The following CDC42BPA variants were observed in gnomAD, a reference collection of about 807,000 sequenced individuals.
CDC42BPA encodes CDC42 binding protein kinase alpha, also known as serine/threonine-protein kinase MRCK alpha.
In CDC42BPA, 80 loss-of-function variants were observed where a neutral mutation model predicts 223.5. The observed-to-expected ratio is 0.36, with a 90% CI of 0.30 to 0.43. The LOEUF (loss-of-function observed/expected upper bound fraction) is 0.43. CDC42BPA is among the 20% of genes least tolerant of loss of function. CDC42BPA has a pLI of 1.00. For synonymous variants in CDC42BPA, 694 were observed against 718.6 expected (o/e 0.97, Z 0.55); for missense variants, 1,743 against 2,099.9 (o/e 0.83, Z 3.32).
At chr1:227,091,022 G>A (rs1397161046) in intron 16 of CDC42BPA, among the ~76,000 whole-genome samples, 3 of 152,104 alleles carry the variant, frequency 2.0e-5, no homozygotes, top group African/African-American at 4.8e-5. Flanking sequence ...ATCAGGCTGA[G>A]ATGGTTTCTT....
intron 21 of CDC42BPA, among the ~76,000 whole-genome samples, chr1:227,065,071 T>C (rs1378397614): frequency 6.7e-6 from 1 of 149,654 alleles, no homozygotes; most frequent in Non-Finnish European, 1.5e-5. Context: ...CACTCCAGCC[T>C]GTGTGAGAGA....
chr1:227,074,463 T>C (rs1679055212), intron 17 of CDC42BPA, 99 bp from the exon 18 acceptor site: 1 of 800,884 alleles, frequency 1.2e-6, no homozygotes, highest in South Asian at 1.8e-5. Context: ...GGTAGGAAAT[T>C]CAAAGATAGT....
chr1:227,242,495 T>C (rs1263015004), intron 2 of CDC42BPA, among the ~76,000 whole-genome samples: 1 of 151,988 alleles, frequency 6.6e-6, no homozygotes, highest in Non-Finnish European at 1.5e-5. Flanking sequence ...AAGATGAACA[T>C]ATAGAGAATT....
chr1:227,064,106 T>C (rs1268285202), intron 21 of CDC42BPA, among the ~76,000 whole-genome samples: 2 of 152,310 alleles, frequency 1.3e-5, no homozygotes, highest in African/African-American at 4.8e-5. Flanking sequence ...TGTTGGGCTA[T>C]AGATACTATC....
intron 1 of CDC42BPA, among the ~76,000 whole-genome samples, chr1:227,291,277 G>A (rs747159798): frequency 1.3e-5 from 2 of 152,036 alleles, no homozygotes; most frequent in Non-Finnish European, 2.9e-5. Context: ...GGCTGGGCGC[G>A]GTGGCTCATG....
At chr1:227,301,619 A>G (rs1691645452) in intron 1 of CDC42BPA, among the ~76,000 whole-genome samples, 1 of 152,288 alleles carries the variant, frequency 6.6e-6, no homozygotes, top group African/African-American at 2.4e-5. Flanking sequence ...CGGCCTCCCA[A>G]AATGCTGGGA....
chr1:227,137,934 G>T (rs1658923399), intron 10 of CDC42BPA, among the ~76,000 whole-genome samples: 1 of 152,068 alleles, frequency 6.6e-6, no homozygotes. Context: ...ATGGGTGAAG[G>T]TTACATCAGT....
intron 21 of CDC42BPA, among the ~76,000 whole-genome samples, chr1:227,054,414 A>G (rs1238999367): frequency 1.3e-5 from 2 of 152,168 alleles, no homozygotes; most frequent in Non-Finnish European, 2.9e-5. Context: ...AAAATTAGAA[A>G]ATACTGCCTT....
intron 4 of CDC42BPA, among the ~76,000 whole-genome samples, chr1:227,196,210 A>C (rs1224839350): frequency 1.3e-5 from 2 of 152,106 alleles, no homozygotes; most frequent in African/African-American, 4.8e-5. Context: ...TAATTCTAGA[A>C]GTCTTCGTAG....
rs894513352 is a variant in CDC42BPA at position 227,243,764 on chromosome 1, A to T, written c.270+10300T>A. Among the ~76,000 whole-genome samples the T allele has an allele frequency of 5.2e-3, 561 of 108,116 alleles. 1 individual carries two copies. Among genetic ancestry groups the T allele is most frequent in the Non-Finnish European group, 7.9e-3 (399 of 50,716 alleles). 70.9% of individuals were successfully genotyped at this position (108,116 alleles called of 152,430 possible). ...GCCACGGAAAAGATTTGTCACACAC[A>T]CACACACACACACACACACACACAC... On this transcript the variant is annotated intron_variant, in intron 2 of 36. Transcript: ENST00000366766.
At chr1:227,316,886 CTG>C (rs1559029656) in intron 1 of CDC42BPA, 117 bp downstream of exon 1, 6 of 730,322 alleles carry the variant, frequency 8.2e-6, no homozygotes, top group Non-Finnish European at 2.2e-6. Context: ...TAACTAGTGT[CTG>C]TTTTTTTATT....
At chr1:227,101,272 T>A (rs775265400) in intron 14 of CDC42BPA, 33 bp from the exon 15 acceptor site, 1 of 1,285,288 alleles carries the variant, frequency 7.8e-7, no homozygotes, top group Admixed American at 2.4e-5. Flanking sequence ...TTAGTGCATC[T>A]ACAAGAATAA....
At chr1:227,239,024 ATTCTT>A (rs770032189) in intron 2 of CDC42BPA, among the ~76,000 whole-genome samples, 191 of 152,332 alleles carry the variant, frequency 1.3e-3, no homozygotes, top group Middle Eastern at 6.8e-3. Context: ...TAGAAAAAAC[ATTCTT>A]TTCAAGTGTA....
intron 21 of CDC42BPA, among the ~76,000 whole-genome samples, chr1:227,064,282 A>C (rs2148987791): frequency 6.6e-6 from 1 of 152,256 alleles, no homozygotes; most frequent in Admixed American, 6.5e-5. Flanking sequence ...AAATGAACAA[A>C]GTGTAGAATT....
At chr1:227,165,433 TA>T (rs1472123651) in intron 5 of CDC42BPA, among the ~76,000 whole-genome samples, 8 of 151,842 alleles carry the variant, frequency 5.3e-5, no homozygotes, top group Admixed American at 3.3e-4. Context: ...AGGCATTTAG[TA>T]CACATAAAAG....
chr1:227,291,325 G>C (rs1689657921), intron 1 of CDC42BPA, among the ~76,000 whole-genome samples: 1 of 152,136 alleles, frequency 6.6e-6, no homozygotes, highest in Non-Finnish European at 1.5e-5. Context: ...GAAGCAGGCG[G>C]ATCACTTGAG....
At chr1:227,260,697 C>G (rs1683889152) in intron 1 of CDC42BPA, among the ~76,000 whole-genome samples, 1 of 151,148 alleles carries the variant, frequency 6.6e-6, no homozygotes, top group Non-Finnish European at 1.5e-5. Flanking sequence ...GAAATTTTAA[C>G]CTTCCCTTCA....
At chr1:227,312,028 A>G (rs1693628237) in intron 1 of CDC42BPA, among the ~76,000 whole-genome samples, 2 of 152,236 alleles carry the variant, frequency 1.3e-5, no homozygotes, top group Admixed American at 6.5e-5. Context: ...AAGTATTTCA[A>G]ACTATTTTTA....
At chr1:227,013,087 T>A (rs1665523197) in intron 34 of CDC42BPA, among the ~76,000 whole-genome samples, 1 of 152,136 alleles carries the variant, frequency 6.6e-6, no homozygotes, top group Non-Finnish European at 1.5e-5. Flanking sequence ...CATGTACAGG[T>A]GAAGAAACAG....
Sources: gnomAD v4.1 joint callset for allele counts (sites outside exome capture counted in the v4.1 genomes callset) on GRCh38, gnomAD v4.1.1 for gene constraint, MANE v1.5 for transcripts, NCBI Gene and HGNC (gene_info 2026-07-23, HGNC 2026-07-21) for gene names.